Variants in JAZF1 observed in about 807,000 individuals in gnomAD.
The protein encoded by JAZF1 is JAZF zinc finger 1, also known as juxtaposed with another zinc finger protein 1.
A neutral mutation model predicts 26.4 loss-of-function variants in JAZF1; 8 were observed. The ratio of observed to expected loss-of-function variants is 0.30; its 90% confidence interval spans 0.18 to 0.55. JAZF1 has a LOEUF of 0.55. JAZF1 is among the 20% of genes least tolerant of loss of function. The probability of loss-of-function intolerance (pLI) is 0.94; values close to 1 mark genes in which losing one functional copy is unlikely to be tolerated. For synonymous variants in JAZF1, 126 were observed against 122.3 expected, an observed-to-expected ratio of 1.03 and a Z score of -0.20; for missense variants, 199 against 322.0, an observed-to-expected ratio of 0.62 and a Z score of 2.92.
At chr7:28,135,665 G>C (rs1435061250) in intron 1 of JAZF1, among the ~76,000 whole-genome samples, 1 of 152,174 alleles carries the variant, frequency 6.6e-6, no homozygotes, top group African/African-American at 2.4e-5. Flanking sequence ...AGCTTCAAAA[G>C]AGGCAATTAC....
chr7:28,148,243 GT>G (rs1783056918), intron 1 of JAZF1, among the ~76,000 whole-genome samples: 2 of 152,054 alleles, frequency 1.3e-5, no homozygotes, highest in Non-Finnish European at 2.9e-5. Flanking sequence ...GTTAATTTTT[GT>G]ATTTTTAGTA....
At chr7:28,060,130 A>G (rs1783774905) in intron 1 of JAZF1, among the ~76,000 whole-genome samples, 2 of 152,180 alleles carry the variant, frequency 1.3e-5, no homozygotes, top group South Asian at 4.1e-4. Flanking sequence ...TTGATTGCCT[A>G]TCAAGCTTTT....
At chr7:27,863,191 G>A (rs942426062) in intron 3 of JAZF1, among the ~76,000 whole-genome samples, 4 of 152,130 alleles carry the variant, frequency 2.6e-5, no homozygotes, top group African/African-American at 7.2e-5. Flanking sequence ...CGGCTACTTC[G>A]TTGTCTATTC....
chr7:27,987,424 G>GCC (rs1210379924), intron 2 of JAZF1, among the ~76,000 whole-genome samples: 1 of 151,598 alleles, frequency 6.6e-6, no homozygotes, highest in Non-Finnish European at 1.5e-5. Flanking sequence ...CCCGGCAGCC[G>GCC]CCCCGTCTGG....
rs57661426 is a variant in JAZF1, at chr7:28,046,728, T to C, written c.116-54747A>G. ...TGATTTCAATATTTGTTTTCCCTGA[T>C]TGTAACTGAAGTTGAAAGTATTTTG... On this transcript the variant is annotated intron_variant, in intron 1 of 4. Coordinates refer to ENST00000283928, the MANE Select transcript of JAZF1 (RefSeq NM_175061.4). Among the ~76,000 whole-genome samples the C allele has an allele frequency of 0.03, 4,583 of 152,286 alleles. 321 individuals are homozygous for C. In the East Asian group the frequency reaches 0.32, roughly 11 times the overall value.
At chr7:27,929,065 T>C (rs1373350924) in intron 2 of JAZF1, among the ~76,000 whole-genome samples, 1 of 152,230 alleles carries the variant, frequency 6.6e-6, no homozygotes, top group African/African-American at 2.4e-5. Flanking sequence ...TGATTTAAAC[T>C]GGCAACTCAG....
intron 1 of JAZF1, among the ~76,000 whole-genome samples, chr7:28,062,269 G>A (rs1783809832): frequency 6.6e-6 from 1 of 152,066 alleles, no homozygotes; most frequent in African/African-American, 2.4e-5. Context: ...GATTGAGTGA[G>A]CTCAATATTA....
intron 2 of JAZF1, among the ~76,000 whole-genome samples, chr7:27,939,648 G>T (rs1784813231): frequency 6.6e-6 from 1 of 152,094 alleles, no homozygotes; most frequent in South Asian, 2.1e-4. Flanking sequence ...AATGGCTGTG[G>T]CCTCCTAGAG....
At chr7:27,955,556 G>A (rs1785074022) in intron 2 of JAZF1, among the ~76,000 whole-genome samples, 1 of 152,228 alleles carries the variant, frequency 6.6e-6, no homozygotes, top group Non-Finnish European at 1.5e-5. Context: ...CTTTCTGTGA[G>A]TCAATAACAA....
At chr7:28,024,307 A>G (rs1783057047) in intron 1 of JAZF1, among the ~76,000 whole-genome samples, 1 of 151,300 alleles carries the variant, frequency 6.6e-6, no homozygotes. Context: ...AAAGAAAAAC[A>G]AAGAGAGAGA....
rs148410583 is a variant in JAZF1, at chr7:28,026,846, G to A, written c.116-34865C>T. ...ACTGGTGAGTGGTCAGGAGATGTCC[G>A]CAGAATGGCTTATGCCACAGAACTT... On this transcript the variant is annotated intron_variant, in intron 1 of 4. Coordinates refer to ENST00000283928, the MANE Select transcript of JAZF1 (RefSeq NM_175061.4). Among the ~76,000 whole-genome samples, 1,029 of 152,272 alleles carry A rather than the reference G, an allele frequency of 6.8e-3. 6 individuals carry two copies. Among genetic ancestry groups the A allele is most frequent in the Non-Finnish European group, 0.011 (766 of 68,020 alleles).
intron 1 of JAZF1, among the ~76,000 whole-genome samples, chr7:28,058,926 C>T (rs1028083866): frequency 6.6e-6 from 1 of 152,130 alleles, no homozygotes; most frequent in East Asian, 1.9e-4. Flanking sequence ...TCACATCAAG[C>T]GTAACACTAA....
chr7:28,110,504 A>AAAAGG (rs576430753), intron 1 of JAZF1, among the ~76,000 whole-genome samples: 3 of 78,576 alleles, frequency 3.8e-5, no homozygotes, highest in African/African-American at 2.1e-4. Context: ...AAAGGAAAGG[A>AAAAGG]AAAGGAAAGG....
At chr7:27,923,498 G>A (rs1784565907) in intron 2 of JAZF1, among the ~76,000 whole-genome samples, 1 of 152,228 alleles carries the variant, frequency 6.6e-6, no homozygotes, top group African/African-American at 2.4e-5. Context: ...GCCAGACTCA[G>A]CCTCCTTCAT....
rs541275761 is a variant in JAZF1 at position 28,173,430 on chromosome 7, T to C, written c.115+7033A>G. ...ACATAAATATATACACACATATGGA[T>C]ATACGTACACACATATATGTGGTAT... On this transcript the variant is annotated intron_variant, in intron 1 of 4. Transcript: ENST00000283928. Among the ~76,000 whole-genome samples the C allele has an allele frequency of 1.5e-4, 23 of 152,324 alleles. 1 individual carries two copies. Among genetic ancestry groups the C allele is most frequent in the Admixed American group, 1.0e-3 (16 of 15,302 alleles).
At chr7:27,849,849 C>T (rs1274330488) in intron 3 of JAZF1, among the ~76,000 whole-genome samples, 1 of 151,782 alleles carries the variant, frequency 6.6e-6, no homozygotes, top group African/African-American at 2.4e-5. Context: ...GGTGCTTCTG[C>T]CACGTTTGCT....
chr7:27,833,264 T>TA (rs982620197), intron 4 of JAZF1: 1 of 190,854 alleles, frequency 5.2e-6, no homozygotes, highest in African/African-American at 2.3e-5. Context: ...ATTTAGGACT[T>TA]ACAGACTGTA....
intron 1 of JAZF1, among the ~76,000 whole-genome samples, chr7:28,094,655 G>A (rs961443305): frequency 6.6e-6 from 1 of 152,202 alleles, no homozygotes; most frequent in African/African-American, 2.4e-5. Context: ...GAAATTTTCT[G>A]GCAGAAGGAA....
At chr7:27,857,115 G>A (rs947116005) in intron 3 of JAZF1, among the ~76,000 whole-genome samples, 4 of 152,222 alleles carry the variant, frequency 2.6e-5, no homozygotes, top group African/African-American at 9.6e-5. Flanking sequence ...GGCGGCGCTC[G>A]TCGGGGAGGC....
Sources: gnomAD v4.1 joint callset for allele counts (sites outside exome capture counted in the v4.1 genomes callset) on GRCh38, gnomAD v4.1.1 for gene constraint, MANE v1.5 for transcripts, NCBI Gene and HGNC (gene_info 2026-07-23, HGNC 2026-07-21) for gene names.